Variants in IGFN1 observed in about 807,000 individuals in gnomAD.
The protein encoded by IGFN1 is immunoglobulin-like and fibronectin type III domain-containing protein 1.
In IGFN1, 253 loss-of-function variants were observed where a neutral mutation model predicts 289.5. The observed-to-expected ratio is 0.87, with a 90% CI of 0.79 to 0.97. The LOEUF (loss-of-function observed/expected upper bound fraction) is 0.97. Among genes scored for constraint, IGFN1 ranks in the 50% least tolerant of loss-of-function variants. The pLI is 0.00. For missense variants in IGFN1, 4,470 were observed against 4,686.1 expected, an observed-to-expected ratio of 0.95 and a Z score of 1.35; for synonymous variants, 1,706 against 1,788.5, an observed-to-expected ratio of 0.95 and a Z score of 1.16.
rs145197016 is a variant in IGFN1, at chr1:201,214,295, C to G, written c.8847C>G (p.Gly2949=). The G allele has an allele frequency of 1.9e-6, 3 of 1,608,530 alleles. No homozygotes were observed. Among genetic ancestry groups the G allele is most frequent in the Non-Finnish European group, 2.6e-6 (3 of 1,175,976 alleles). ...GACCTGGCACCTGGTTTAAGGATGG[C>G]GTCAAGGTACTGCCTCCCCTCACAC... ...DLGPGTWFKD[G]VKLTTQDGVI... is the part of the protein sequence containing the mutation. The change falls in exon 13 of 24, where the codon GGC becomes GGG. Residue 2949 remains glycine, a synonymous_variant. Transcript: ENST00000335211.
Position 201,213,409 on chromosome 1 carries a change from G to A in IGFN1, c.8516G>A (p.Gly2839Glu). The A allele has an allele frequency of 1.9e-6, 3 of 1,614,060 alleles. No individual in the cohort carries two copies. Among genetic ancestry groups the A allele is most frequent in the Middle Eastern group, 1.7e-4 (1 of 6,060 alleles). ...AAGAGAAGGGGAGCAGACGAGGCTGGAAGCATGGGGTGGCAGCCTATGGGA... is the reference window on the plus strand; with the variant it reads ...AAGAGAAGGGGAGCAGACGAGGCTGAAAGCATGGGGTGGCAGCCTATGGGA... ...GGKRRGADEA[G>E]SMGWQPMGEN... Residue 2839 changes from glycine (G) to glutamate (E), a missense_variant, in exon 12 of 24, where the codon GGA becomes GAA. Around this residue, in one of 8 missense-constraint regions of IGFN1, gnomAD observed 2,218 missense variants for 2,114.1 expected, o/e 1.05. Coordinates refer to ENST00000335211, the MANE Select transcript of IGFN1 (RefSeq NM_001164586.2).
In IGFN1 at chr1:201,211,932, T is replaced by A; in HGVS notation, c.7039T>A (p.Ser2347Thr). Reference sequence around the variant, plus strand: ...CAGTTATAGAGGAGGCTCAGGAGGATCTGGGGAAACGGGACCAGAGGGTAA... The same window carrying A: ...CAGTTATAGAGGAGGCTCAGGAGGAACTGGGGAAACGGGACCAGAGGGTAA... ...EVSYRGGSGG[S>T]GETGPEGKMG... Residue 2347 changes from serine (S) to threonine (T), a missense_variant, in exon 12 of 24, where the codon TCT (serine) becomes ACT (threonine). Coordinates refer to ENST00000335211, the MANE Select transcript of IGFN1 (RefSeq NM_001164586.2). 2 of 1,527,162 alleles carry A rather than the reference T, an allele frequency of 1.3e-6. No homozygotes were observed. The highest frequency in any genetic ancestry group is 1.8e-6 in the Non-Finnish European group (2 of 1,141,820). 94.6% of individuals were successfully genotyped at this position (1,527,162 alleles called of 1,614,324 possible). A position where few individuals can be genotyped will look rare whatever the true frequency, so the allele number is the denominator to read the frequency against.
rs1401414689 is a variant in IGFN1, at chr1:201,224,887, T to C, written c.10486+13T>C. The stretch of plus-strand genomic sequence containing the variant: ...ATCAGGGTGGCAGGTGAGGCAGGCC[T>C]TGCTCTGGGCTCTGGACGCTGGCTC... On this transcript the variant is annotated intron_variant, in intron 21 of 23. Coordinates refer to ENST00000335211, the MANE Select transcript of IGFN1 (RefSeq NM_001164586.2). 6.8e-6 allele frequency: 11 copies of C among 1,606,504 alleles called. No individual in the cohort carries two copies. The highest frequency in any genetic ancestry group is 9.4e-6 in the Non-Finnish European group (11 of 1,175,702).
intron 16 of IGFN1, 79 bp from the exon 17 acceptor site, chr1:201,217,208 G>A (rs1653366382): frequency 2.3e-6 from 3 of 1,313,968 alleles, no homozygotes; most frequent in South Asian, 2.6e-5. Context: ...AGATGCCTGT[G>A]CCCCCTACCC....
rs1281883406 is a variant in IGFN1 at position 201,215,597 on chromosome 1, G to C, written c.9054G>C (p.Lys3018Asn). 6.2e-7 allele frequency: 1 copy of C among 1,612,258 alleles called. No individual in the cohort carries two copies. The highest frequency in any genetic ancestry group is 1.1e-5 in the South Asian group (1 of 90,638). Residue 3018 changes from lysine (K) to asparagine (N), a missense_variant, in exon 15 of 24, where the codon AAG becomes AAC. Lys to Asn is a moderately conservative substitution (Grantham distance 94). Coordinates refer to ENST00000335211, the MANE Select transcript of IGFN1 (RefSeq NM_001164586.2). Reference protein sequence around the residue: ...TEKLREPLVVKAGKPVIVKIP... With the variant: ...TEKLREPLVVNAGKPVIVKIP... The stretch of plus-strand genomic sequence containing the variant: ...AACTGAGAGAGCCACTGGTGGTCAA[G>C]GCTGGGAAGCCGGTGATAGTGAAGA...
intron 17 of IGFN1, 116 bp from the exon 18 acceptor site, chr1:201,218,414 G>A: frequency 1.1e-6 from 1 of 936,790 alleles, no homozygotes; most frequent in Non-Finnish European, 1.6e-6. Context: ...GAGGGATGTA[G>A]GGAGGGATGT....
At chr1:201,219,265 AC>A (rs1258071989) in intron 18 of IGFN1, among the ~76,000 whole-genome samples, 1 of 152,216 alleles carries the variant, frequency 6.6e-6, no homozygotes, top group African/African-American at 2.4e-5. Context: ...CCCATCACCT[AC>A]TAAATGGCCA....
chr1:201,194,303 G>T (rs1381799999), intron 3 of IGFN1, 30 bp downstream of exon 3: 1 of 1,549,376 alleles, frequency 6.5e-7, no homozygotes, highest in African/African-American at 1.4e-5. Context: ...GCGGAGGGGA[G>T]GCAAGATTCT....
intron 3 of IGFN1, among the ~76,000 whole-genome samples, chr1:201,195,221 T>C (rs1666848997): frequency 1.3e-5 from 2 of 151,982 alleles, no homozygotes; most frequent in Admixed American, 1.3e-4. Context: ...GCGCAATCTC[T>C]GATCACTACA....
chr1:201,207,031 G>A lies in IGFN1; in HGVS notation c.2138G>A (p.Gly713Glu). 2.6e-6 allele frequency: 4 copies of A among 1,536,876 alleles called. No homozygotes were observed. Among genetic ancestry groups the A allele is most frequent in the Non-Finnish European group, 3.5e-6 (4 of 1,146,848 alleles). Residue 713 changes from glycine to glutamate, a missense_variant, in exon 12 of 24, where the codon GGG (glycine) becomes GAG (glutamate). Physicochemically the swap from Gly to Glu is moderately conservative, Grantham distance 98. Around this residue, in one of 8 missense-constraint regions of IGFN1, gnomAD observed 2,011 missense variants for 1,953.4 expected, o/e 1.03. Coordinates refer to ENST00000335211, the MANE Select transcript of IGFN1 (RefSeq NM_001164586.2). The part of the protein sequence containing the change: ...ADYGEARGYW[G>E]SGELLEQIPG... The stretch of plus-strand genomic sequence containing the variant: ...TATGGGGAAGCCAGGGGCTACTGGG[G>A]GTCAGGAGAGTTGCTAGAACAGATA...
At chr1:201,196,077 A>T in intron 4 of IGFN1, 99 bp downstream of exon 4, 14 of 1,183,022 alleles carry the variant, frequency 1.2e-5, no homozygotes, top group East Asian at 2.6e-5. Context: ...GGAGTAAGAC[A>T]TACTCCTCGT....
Position 201,211,874 on chromosome 1 carries a change from G to C in IGFN1, c.6981G>C (p.Gly2327=). ...WNEAGSRQGF[G]GTSGMGSGSE... is the part of the protein sequence containing the mutation. Reference sequence around the variant, plus strand: ...AGGCAGGTTCTAGGCAAGGCTTTGGGGGAACTAGTGGCATGGGGTCAGGGA... The same window carrying C: ...AGGCAGGTTCTAGGCAAGGCTTTGGCGGAACTAGTGGCATGGGGTCAGGGA... The change falls in exon 12 of 24, where the codon GGG becomes GGC. Residue 2327 remains glycine (G), a synonymous_variant. Transcript: ENST00000335211. The C allele has an allele frequency of 6.5e-7, 1 of 1,533,004 alleles. No homozygotes were observed. Among genetic ancestry groups the C allele is most frequent in the South Asian group, 1.2e-5 (1 of 83,562 alleles). 95.0% of individuals were successfully genotyped at this position (1,533,004 alleles called of 1,614,324 possible). A position where few individuals can be genotyped will look rare whatever the true frequency, so the allele number is the denominator to read the frequency against.
intron 21 of IGFN1, among the ~76,000 whole-genome samples, chr1:201,225,214 G>A (rs963042942): frequency 3.3e-5 from 5 of 152,198 alleles, no homozygotes; most frequent in Admixed American, 6.5e-5. Context: ...GTCTGCAGCC[G>A]TTGCACAGGA....
At chr1:201,202,995 A>G (rs1667232462) in intron 9 of IGFN1, among the ~76,000 whole-genome samples, 1 of 151,958 alleles carries the variant, frequency 6.6e-6, no homozygotes, top group Non-Finnish European at 1.5e-5. Context: ...GCCTCAAGTG[A>G]TTCACCCGCC....
At chr1:201,216,858 G>A (rs1172180837) in intron 16 of IGFN1, 105 bp downstream of exon 16, 30 of 983,916 alleles carry the variant, frequency 3.0e-5, no homozygotes, top group African/African-American at 1.1e-4. Flanking sequence ...GCCTGTGCTC[G>A]GGGCTTCGGA....
chr1:201,213,089 C>T lies in IGFN1; in HGVS notation c.8196C>T (p.Ser2732=), dbSNP rs754016205. 27 of 1,551,464 alleles carry T rather than the reference C, an allele frequency of 1.7e-5. No individual in the cohort carries two copies. The highest frequency in any genetic ancestry group is 1.7e-4 in the Middle Eastern group (1 of 6,012). Residue 2732 remains serine, a synonymous_variant, in exon 12 of 24, where the codon TCC becomes TCT. Transcript: ENST00000335211. The part of the protein sequence containing the change: ...GNALTPKPGE[S]GPQGAWNGLD... ...CCCTCACCCCAAAACCTGGGGAGTC[C>T]GGACCTCAGGGAGCCTGGAATGGCT...
intron 16 of IGFN1, 71 bp downstream of exon 16, chr1:201,216,824 T>C: frequency 7.5e-7 from 1 of 1,341,476 alleles, no homozygotes. Context: ...GAGGGCAGGC[T>C]GTCCCAGAGG....
Position 201,208,318 on chromosome 1 carries a change from A to G in IGFN1, c.3425A>G (p.Glu1142Gly), listed in dbSNP as rs1249019300. 1 of 1,514,962 alleles carries G rather than the reference A, an allele frequency of 6.6e-7. No individual in the cohort carries two copies. The highest frequency in any genetic ancestry group is 2.2e-5 in the Admixed American group (1 of 46,134). 93.8% of individuals were successfully genotyped at this position (1,514,962 alleles called of 1,614,324 possible). Residue 1142 changes from glutamate to glycine, a missense_variant, in exon 12 of 24, where the codon GAA becomes GGA. Transcript: ENST00000335211. ...ALGAFGEGGYEDGSGGPGAMG... is the reference protein window; with the variant it reads ...ALGAFGEGGYGDGSGGPGAMG... The stretch of plus-strand genomic sequence containing the variant: ...GGGGCCTTTGGAGAAGGAGGCTATG[A>G]AGATGGCTCTGGGGGTCCAGGAGCC...
chr1:201,206,836 G>C lies in IGFN1; in HGVS notation c.1943G>C (p.Arg648Thr), dbSNP rs1422033284. The change falls in exon 12 of 24, where the codon AGG becomes ACG. Residue 648 changes from arginine (R) to threonine (T), a missense_variant. Physicochemically the swap from Arg to Thr is moderately conservative, Grantham distance 71. This residue lies in a region of IGFN1 where 2,011 missense variants were observed against 1,953.4 expected (regional missense o/e 1.03). Coordinates refer to ENST00000335211, the MANE Select transcript of IGFN1 (RefSeq NM_001164586.2). ...AGAGGGGATGCTCCAAGTAGGGAAA[G>C]GGGGAGAGGAATAGTAGTGTGGGGT... ...MDRGDAPSRE[R>T]GRGIVVWGGG... The C allele has an allele frequency of 3.9e-6, 6 of 1,536,954 alleles. No individual in the cohort carries two copies. The highest frequency in any genetic ancestry group is 3.6e-5 in the South Asian group (3 of 84,052).
Sources: gnomAD v4.1 joint callset for allele counts (sites outside exome capture counted in the v4.1 genomes callset) on GRCh38, gnomAD v4.1.1 for gene constraint, gnomAD v4.1.1 regional missense constraint, MANE v1.5 for transcripts, NCBI Gene and HGNC (gene_info 2026-07-23, HGNC 2026-07-21) for gene names.